The following VPS13B variants were observed in gnomAD, a reference collection of about 807,000 sequenced individuals.
VPS13B encodes the protein intermembrane lipid transfer protein VPS13B.
In VPS13B, 285 loss-of-function variants were observed where a neutral mutation model predicts 426.4. The ratio of observed to expected loss-of-function variants is 0.67; its 90% CI spans 0.61 to 0.74. The LOEUF (loss-of-function observed/expected upper bound fraction) is 0.74. Ranked by LOEUF, VPS13B falls within the 30% of genes least tolerant of loss-of-function variation. The pLI is 0.00. For synonymous variants in VPS13B, 1,676 were observed against 1,676.4 expected (o/e 1.00, Z 0.01); for missense variants, 4,537 against 4,782.6 (o/e 0.95, Z 1.51).
At position 99,875,896 on chromosome 8, in the gene VPS13B, C is replaced by CTGA. The variant is rs1204706543; in HGVS notation, c.*232_*234dup. On this transcript the variant is annotated 3_prime_UTR_variant, in exon 62 of 62. Coordinates refer to ENST00000357162, the MANE Select transcript of VPS13B (RefSeq NM_152564.5). The stretch of plus-strand genomic sequence containing the variant: ...AAAGCCTAGGCAGCTCTAACATCAT[C>CTGA]TGATATGGACACAAGGCCAACAGTT... 1.4e-5 allele frequency: 8 copies of CTGA among 569,902 alleles called. No homozygotes were observed. The highest frequency in any genetic ancestry group is 3.8e-5 in the African/African-American group (2 of 52,912). The allele number at this position is 569,902 out of a possible 1,614,324, so 35.3% of individuals were successfully genotyped here. A position where few individuals can be genotyped will look rare whatever the true frequency, so the allele number is the denominator to read the frequency against.
chr8:99,053,847 C>T (rs535637967), intron 3 of VPS13B, among the ~76,000 whole-genome samples: 11 of 151,854 alleles, frequency 7.2e-5, no homozygotes, highest in Admixed American at 1.3e-4. Context: ...GGATTACAGG[C>T]GACTACCACC....
chr8:99,236,272 CAG>C (rs931008177), intron 17 of VPS13B, among the ~76,000 whole-genome samples: 2 of 150,240 alleles, frequency 1.3e-5, no homozygotes, highest in African/African-American at 4.9e-5. Context: ...TTTTTAAAGA[CAG>C]AATCTTGCTC....
At chr8:99,577,108 A>G (rs1233382937) in intron 32 of VPS13B, among the ~76,000 whole-genome samples, 1 of 152,170 alleles carries the variant, frequency 6.6e-6, no homozygotes, top group Non-Finnish European at 1.5e-5. Flanking sequence ...AGTACTTAGG[A>G]AATGCTCAGT....
intron 30 of VPS13B, among the ~76,000 whole-genome samples, chr8:99,533,100 G>T (rs563850738): frequency 6.6e-6 from 1 of 151,518 alleles, no homozygotes; most frequent in African/African-American, 2.4e-5. Flanking sequence ...CAACCACGCC[G>T]GCTAATTTTT....
At chr8:99,716,727 A>T (rs746009116) in intron 36 of VPS13B, among the ~76,000 whole-genome samples, 132 of 152,284 alleles carry the variant, frequency 8.7e-4, no homozygotes, top group Non-Finnish European at 1.3e-3. Flanking sequence ...ATTGTTTTGA[A>T]TTTTAACATG....
intron 25 of VPS13B, among the ~76,000 whole-genome samples, chr8:99,493,807 GA>G (rs1450058553): frequency 6.2e-4 from 77 of 124,228 alleles, no homozygotes; most frequent in African/African-American, 1.4e-3. Context: ...AAAAAGAAAA[GA>G]AAAAGAAAAA....
intron 15 of VPS13B, among the ~76,000 whole-genome samples, chr8:99,158,325 G>A (rs1479768066): frequency 6.6e-6 from 1 of 152,140 alleles, no homozygotes; most frequent in East Asian, 1.9e-4. Context: ...ACAAGGTCAG[G>A]AGATCGACCA....
rs368629796 is a variant in VPS13B, at chr8:99,362,692, A to G, written c.2825-21516A>G. Reference sequence around the variant, plus strand: ...TGCCTCTCCATTGTGTGTATGCATCACATTTTAAAAATCTGTTCATCTGCT... The same window carrying G: ...TGCCTCTCCATTGTGTGTATGCATCGCATTTTAAAAATCTGTTCATCTGCT... On this transcript the variant is annotated intron_variant, in intron 19 of 61. Transcript: ENST00000357162. Among the ~76,000 whole-genome samples the G allele has an allele frequency of 2.0e-5, 3 of 152,204 alleles. No individual in the cohort carries two copies. In the South Asian group the frequency reaches 6.2e-4, roughly 31 times the overall value.
At chr8:99,560,022 A>G (rs1030858926) in intron 31 of VPS13B, among the ~76,000 whole-genome samples, 2 of 152,120 alleles carry the variant, frequency 1.3e-5, no homozygotes, top group African/African-American at 2.4e-5. Context: ...CATGATATTG[A>G]TTCTTCCTAT....
intron 14 of VPS13B, among the ~76,000 whole-genome samples, chr8:99,149,019 T>A (rs1252699734): frequency 3.9e-5 from 6 of 152,376 alleles, no homozygotes; most frequent in African/African-American, 1.4e-4. Context: ...CCACATATGA[T>A]CCTTTGTTTT....
At chr8:99,311,755 A>T (rs1229553574) in intron 19 of VPS13B, among the ~76,000 whole-genome samples, 1 of 152,038 alleles carries the variant, frequency 6.6e-6, no homozygotes. Context: ...GATCTGTCTA[A>T]TGTTGATAGT....
chr8:99,673,031 T>G (rs1830781771), intron 35 of VPS13B, among the ~76,000 whole-genome samples: 1 of 152,076 alleles, frequency 6.6e-6, no homozygotes. Flanking sequence ...TTCCGTCTAC[T>G]ACTATTTTGT....
intron 35 of VPS13B, among the ~76,000 whole-genome samples, chr8:99,664,318 T>A (rs1830369497): frequency 1.3e-5 from 2 of 151,968 alleles, no homozygotes; most frequent in South Asian, 4.2e-4. Context: ...AATGTACTTT[T>A]TTTTTTTTTT....
intron 38 of VPS13B, 129 bp from the exon 39 acceptor site, chr8:99,720,734 G>C: frequency 8.9e-7 from 1 of 1,125,200 alleles, no homozygotes; most frequent in Non-Finnish European, 1.3e-6. Flanking sequence ...TTCTGTTCCA[G>C]AATATATATA....
At chr8:99,548,404 T>A (rs1248989776) in intron 30 of VPS13B, among the ~76,000 whole-genome samples, 2 of 151,998 alleles carry the variant, frequency 1.3e-5, no homozygotes, top group Non-Finnish European at 2.9e-5. Flanking sequence ...TGTCTGTAAC[T>A]ATTTACCAAA....
chr8:99,255,556 A>G (rs988898135), intron 17 of VPS13B, among the ~76,000 whole-genome samples: 11 of 152,156 alleles, frequency 7.2e-5, no homozygotes, highest in Admixed American at 6.5e-4. Context: ...ACATGCCTCC[A>G]CTTATTACTG....
chr8:99,875,328 T>C (rs767937646), intron 61 of VPS13B, 90 bp from the exon 62 acceptor site: 11 of 1,560,684 alleles, frequency 7.0e-6, no homozygotes, highest in East Asian at 2.2e-5. Context: ...AAAGGCATAA[T>C]GTACAAATAT....
chr8:99,619,163 C>T (rs1490798165), intron 33 of VPS13B, among the ~76,000 whole-genome samples: 1 of 152,198 alleles, frequency 6.6e-6, no homozygotes, highest in Non-Finnish European at 1.5e-5. Context: ...AATTATATCT[C>T]ATGCCATTCC....
chr8:99,075,955 G>A (rs1198152664), intron 3 of VPS13B, among the ~76,000 whole-genome samples: 2 of 151,700 alleles, frequency 1.3e-5, no homozygotes, highest in African/African-American at 4.8e-5. Flanking sequence ...ATCATTAGGT[G>A]GTTTTTTTGA....
Sources: gnomAD v4.1 joint callset for allele counts (sites outside exome capture counted in the v4.1 genomes callset) on GRCh38, gnomAD v4.1.1 for gene constraint, MANE v1.5 for transcripts, NCBI Gene and HGNC (gene_info 2026-07-23, HGNC 2026-07-21) for gene names.